The following TOX variants were observed in gnomAD, a reference collection of about 807,000 sequenced individuals.
TOX encodes the protein thymocyte selection-associated high mobility group box protein TOX.
A neutral mutation model predicts 53.7 loss-of-function variants in TOX; 11 were observed. The ratio of observed to expected loss-of-function variants is 0.20; its 90% CI spans 0.13 to 0.34. The LOEUF (loss-of-function observed/expected upper bound fraction) is 0.34. Among genes scored for constraint, TOX ranks in the 10% least tolerant of loss-of-function variants. The pLI is 1.00. For synonymous variants in TOX, 225 were observed against 245.3 expected, an observed-to-expected ratio of 0.92 and a Z score of 0.77; for missense variants, 570 against 664.6, an observed-to-expected ratio of 0.86 and a Z score of 1.56.
chr8:58,965,394 A>G (rs1041605920), intron 1 of TOX, among the ~76,000 whole-genome samples: 8 of 152,214 alleles, frequency 5.3e-5, no homozygotes, highest in Admixed American at 5.2e-4. Context: ...GAGCTTTCAA[A>G]CTAGGTAGTT....
intron 3 of TOX, among the ~76,000 whole-genome samples, chr8:58,882,141 G>C (rs949740795): frequency 6.6e-6 from 1 of 152,224 alleles, no homozygotes; most frequent in East Asian, 1.9e-4. Flanking sequence ...AACCATGACT[G>C]TTAGGGAAAA....
At chr8:59,048,823 T>C (rs1161664262) in intron 1 of TOX, among the ~76,000 whole-genome samples, 1 of 152,160 alleles carries the variant, frequency 6.6e-6, no homozygotes, top group Non-Finnish European at 1.5e-5. Flanking sequence ...AATATTATAT[T>C]TTAAGTTACA....
chr8:58,995,520 T>C (rs1813545197), intron 1 of TOX, among the ~76,000 whole-genome samples: 2 of 152,190 alleles, frequency 1.3e-5, no homozygotes, highest in Admixed American at 6.5e-5. Flanking sequence ...ATTATTTATA[T>C]CAAATTGAGC....
At chr8:58,965,019 ATAAC>A (rs1812868015) in intron 1 of TOX, among the ~76,000 whole-genome samples, 1 of 152,216 alleles carries the variant, frequency 6.6e-6, no homozygotes, top group East Asian at 1.9e-4. Context: ...TTTATTAAAT[ATAAC>A]TAACTGCATT....
chr8:58,937,736 C>T (rs1812370486), intron 3 of TOX, among the ~76,000 whole-genome samples: 1 of 152,080 alleles, frequency 6.6e-6, no homozygotes, highest in Non-Finnish European at 1.5e-5. Flanking sequence ...TCACTCCTAC[C>T]ATGGGGAATA....
chr8:58,946,079 T>C (rs1245866264), intron 2 of TOX, among the ~76,000 whole-genome samples: 1 of 152,152 alleles, frequency 6.6e-6, no homozygotes, highest in Non-Finnish European at 1.5e-5. Context: ...AGAACTGTAT[T>C]TGAAAGATAA....
intron 1 of TOX, among the ~76,000 whole-genome samples, chr8:59,093,328 G>A (rs1010138834): frequency 9.2e-5 from 14 of 152,194 alleles, no homozygotes; most frequent in Admixed American, 2.6e-4. Flanking sequence ...CTACAGAACT[G>A]TGAAGTCCTC....
intron 5 of TOX, among the ~76,000 whole-genome samples, 157 bp downstream of exon 5, chr8:58,837,924 A>C (rs1459142446): frequency 6.6e-6 from 1 of 152,228 alleles, no homozygotes; most frequent in Non-Finnish European, 1.5e-5. Flanking sequence ...GGAGCATAAC[A>C]TTATGTGAAC....
At position 59,082,769 on chromosome 8, in the gene TOX, C is replaced by T. The variant is rs1366505091; in HGVS notation, c.102+36117G>A. Among the ~76,000 whole-genome samples the T allele has an allele frequency of 2.6e-5, 4 of 152,230 alleles. No homozygotes were observed. The East Asian group carries it at 7.7e-4, about 29-fold the overall frequency. On this transcript the variant is annotated intron_variant, in intron 1 of 8. Transcript: ENST00000361421. ...TTTTGTCAGCTAAGTGATAAAATGG[C>T]TTTTAAGTTTTCTTTTAATATATCC...
intron 1 of TOX, among the ~76,000 whole-genome samples, chr8:59,010,950 C>T (rs1813894264): frequency 2.0e-5 from 3 of 152,012 alleles, no homozygotes; most frequent in Non-Finnish European, 2.9e-5. Context: ...TCATAACAGT[C>T]GGAATAGTAA....
At chr8:58,964,134 G>C (rs184367778) in intron 1 of TOX, among the ~76,000 whole-genome samples, 1 of 151,900 alleles carries the variant, frequency 6.6e-6, no homozygotes, top group East Asian at 1.9e-4. Context: ...AAATGGCCAG[G>C]GCACCATTAC....
chr8:58,951,331 G>C (rs918949166), intron 2 of TOX, among the ~76,000 whole-genome samples: 2 of 152,132 alleles, frequency 1.3e-5, no homozygotes, highest in Non-Finnish European at 2.9e-5. Context: ...TTCCAACTGA[G>C]AGCTATTATT....
chr8:59,113,952 T>G (rs1805061669), intron 1 of TOX, among the ~76,000 whole-genome samples: 2 of 152,198 alleles, frequency 1.3e-5, no homozygotes, highest in Non-Finnish European at 2.9e-5. Flanking sequence ...TGCTCCCCAC[T>G]ACCTTCGTCA....
intron 1 of TOX, among the ~76,000 whole-genome samples, chr8:59,094,496 G>T (rs1804679528): frequency 6.6e-6 from 1 of 151,852 alleles, no homozygotes; most frequent in Non-Finnish European, 1.5e-5. Flanking sequence ...AAACTAGCCA[G>T]GTGTAGTGGC....
At chr8:59,034,353 C>T (rs60851084) in intron 1 of TOX, among the ~76,000 whole-genome samples, 4,647 of 152,282 alleles carry the variant, frequency 0.031, 226 homozygotes, top group African/African-American at 0.1. Context: ...GACGCAAGAG[C>T]GAGGGGGTGA....
At chr8:58,903,037 A>T (rs1049307413) in intron 3 of TOX, among the ~76,000 whole-genome samples, 2 of 152,222 alleles carry the variant, frequency 1.3e-5, no homozygotes, top group African/African-American at 4.8e-5. Flanking sequence ...AAATAAAAAC[A>T]ATACTCTTTA....
chr8:58,894,508 T>C (rs1032193376), intron 3 of TOX, among the ~76,000 whole-genome samples: 5 of 152,236 alleles, frequency 3.3e-5, no homozygotes, highest in Non-Finnish European at 4.4e-5. Flanking sequence ...AGTTTTGATA[T>C]AATGATGTAT....
intron 1 of TOX, among the ~76,000 whole-genome samples, chr8:59,040,620 C>G (rs1803562957): frequency 6.6e-6 from 1 of 152,216 alleles, no homozygotes; most frequent in Non-Finnish European, 1.5e-5. Context: ...AACCTCATGC[C>G]CTAGCCAACT....
intron 6 of TOX, among the ~76,000 whole-genome samples, chr8:58,821,244 G>C (rs912368168): frequency 6.6e-6 from 1 of 151,842 alleles, no homozygotes; most frequent in African/African-American, 2.4e-5. Flanking sequence ...TTGATATAAA[G>C]ACAAATTGAA....
Sources: gnomAD v4.1 joint callset for allele counts (sites outside exome capture counted in the v4.1 genomes callset) on GRCh38, gnomAD v4.1.1 for gene constraint, MANE v1.5 for transcripts, NCBI Gene and HGNC (gene_info 2026-07-23, HGNC 2026-07-21) for gene names.